Variants in DCC observed in about 807,000 individuals in gnomAD.
DCC encodes the protein netrin receptor DCC.
Under a neutral mutation model 172.5 loss-of-function variants are expected in DCC, and 58 were observed. The observed-to-expected ratio is 0.34, with a 90% CI of 0.27 to 0.42. The LOEUF (loss-of-function observed/expected upper bound fraction) is 0.42. Ranked by LOEUF, DCC falls within the 10% of genes least tolerant of loss-of-function variation. The pLI, the probability that DCC is intolerant of heterozygous loss-of-function variation, is 1.00. For missense variants in DCC, 1,740 were observed against 1,791.0 expected (o/e 0.97, Z 0.51); for synonymous variants, 709 against 644.5 (o/e 1.10, Z -1.52).
intron 1 of DCC, among the ~76,000 whole-genome samples, chr18:52,443,617 C>T (rs1988035404): frequency 6.6e-6 from 1 of 152,092 alleles, no homozygotes; most frequent in Non-Finnish European, 1.5e-5. Flanking sequence ...GAGGAAAAAT[C>T]ATGTCTTGAT....
rs189235969 is a variant in DCC, at chr18:52,345,221, T to C, written c.91+4343T>C. Among the ~76,000 whole-genome samples the C allele has an allele frequency of 1.1e-4, 17 of 152,354 alleles. No individual in the cohort carries two copies. In the East Asian group the frequency reaches 3.1e-3, roughly 28 times the overall value. On this transcript the variant is annotated intron_variant, in intron 1 of 28. Coordinates refer to ENST00000442544, the MANE Select transcript of DCC (RefSeq NM_005215.4). ...CTTTGCCTGAGGCCAAAGAATAATG[T>C]CACAAACCTGCTGAAATTACTTGAT...
intron 1 of DCC, among the ~76,000 whole-genome samples, chr18:52,481,921 C>A (rs1030036757): frequency 6.6e-6 from 1 of 151,894 alleles, no homozygotes; most frequent in Non-Finnish European, 1.5e-5. Context: ...TATTAAATAT[C>A]TTATTAAATT....
chr18:53,065,511 C>T (rs901480881), intron 6 of DCC, among the ~76,000 whole-genome samples: 1 of 152,118 alleles, frequency 6.6e-6, no homozygotes, highest in African/African-American at 2.4e-5. Flanking sequence ...CTCTCCAAAC[C>T]CCAAAAGCTT....
chr18:52,440,859 G>A (rs1987949842), intron 1 of DCC, among the ~76,000 whole-genome samples: 1 of 152,178 alleles, frequency 6.6e-6, no homozygotes, highest in Admixed American at 6.5e-5. Context: ...AGAAAGGAAA[G>A]CAAAAGGAGA....
At chr18:52,640,158 C>T (rs1329678052) in intron 1 of DCC, among the ~76,000 whole-genome samples, 1 of 152,160 alleles carries the variant, frequency 6.6e-6, no homozygotes, top group East Asian at 1.9e-4. Context: ...CAAAATCCAG[C>T]ATTGCCTTAT....
intron 2 of DCC, among the ~76,000 whole-genome samples, chr18:52,782,795 T>C (rs1424800882): frequency 6.6e-6 from 1 of 152,068 alleles, no homozygotes; most frequent in Admixed American, 6.6e-5. Flanking sequence ...AATAATCTGT[T>C]AAGTGAGTTG....
intron 12 of DCC, among the ~76,000 whole-genome samples, chr18:53,234,961 C>T (rs534074254): frequency 1.7e-4 from 26 of 152,196 alleles, no homozygotes; most frequent in African/African-American, 3.9e-4. Flanking sequence ...GTGTCACAAA[C>T]GGACAGTCAT....
At chr18:53,330,235 G>C (rs1258036478) in intron 14 of DCC, among the ~76,000 whole-genome samples, 2 of 152,118 alleles carry the variant, frequency 1.3e-5, no homozygotes, top group African/African-American at 4.8e-5. Flanking sequence ...GTTTTGAGCT[G>C]ATCTTTCAAA....
intron 1 of DCC, among the ~76,000 whole-genome samples, chr18:52,446,123 C>T (rs764100790): frequency 2.0e-5 from 3 of 152,048 alleles, no homozygotes; most frequent in Non-Finnish European, 4.4e-5. Flanking sequence ...TTAGTAGAGA[C>T]GGGGTTTCAC....
intron 23 of DCC, among the ~76,000 whole-genome samples, chr18:53,457,895 A>G (rs2045503102): frequency 6.6e-6 from 1 of 152,176 alleles, no homozygotes; most frequent in African/African-American, 2.4e-5. Context: ...ACGCTTCAAG[A>G]AAGACAAAAA....
At chr18:52,476,625 G>A (rs1162289302) in intron 1 of DCC, among the ~76,000 whole-genome samples, 1 of 152,146 alleles carries the variant, frequency 6.6e-6, no homozygotes, top group African/African-American at 2.4e-5. Flanking sequence ...CTAAGACACT[G>A]CCTTGAATGA....
intron 1 of DCC, among the ~76,000 whole-genome samples, chr18:52,749,101 G>A (rs2036954937): frequency 6.6e-6 from 1 of 152,140 alleles, no homozygotes; most frequent in African/African-American, 2.4e-5. Context: ...TGGGGAAGCT[G>A]AGGCAGGAGA....
intron 1 of DCC, among the ~76,000 whole-genome samples, chr18:52,646,956 G>A (rs553757590): frequency 3.9e-5 from 6 of 152,222 alleles, no homozygotes; most frequent in Non-Finnish European, 7.4e-5. Context: ...AAGACACTTC[G>A]ATAGCATGAA....
chr18:52,792,639 A>T (rs1336165293), intron 2 of DCC, among the ~76,000 whole-genome samples: 1 of 152,168 alleles, frequency 6.6e-6, no homozygotes. Context: ...AGTAGGTGTG[A>T]CATCCGAGTC....
At chr18:52,844,565 A>G (rs113822550) in intron 2 of DCC, among the ~76,000 whole-genome samples, 4,070 of 152,236 alleles carry the variant, frequency 0.027, 162 homozygotes, top group African/African-American at 0.09. Flanking sequence ...ACATTATTTT[A>G]TTCATTTATC....
intron 27 of DCC, among the ~76,000 whole-genome samples, chr18:53,508,202 T>TC (rs951129731): frequency 7.2e-5 from 5 of 69,354 alleles, no homozygotes; most frequent in African/African-American, 1.6e-4. Flanking sequence ...CGAGACCACA[T>TC]TTTTTTTTTA....
chr18:52,769,586 G>T (rs2145163097), intron 2 of DCC, among the ~76,000 whole-genome samples: 1 of 152,186 alleles, frequency 6.6e-6, no homozygotes, highest in East Asian at 1.9e-4. Context: ...ATGCAATTCA[G>T]TCTATCAATT....
chr18:53,466,490 G>C (rs1007069806), intron 24 of DCC, among the ~76,000 whole-genome samples: 4 of 152,056 alleles, frequency 2.6e-5, no homozygotes, highest in African/African-American at 9.7e-5. Context: ...TTTCTGTTTT[G>C]TGATTCTGCT....
intron 19 of DCC, among the ~76,000 whole-genome samples, chr18:53,409,736 A>G (rs1246744319): frequency 6.6e-6 from 1 of 152,182 alleles, no homozygotes; most frequent in Non-Finnish European, 1.5e-5. Flanking sequence ...CAATAATACT[A>G]TATAAACATA....
Sources: gnomAD v4.1 joint callset for allele counts (sites outside exome capture counted in the v4.1 genomes callset) on GRCh38, gnomAD v4.1.1 for gene constraint, MANE v1.5 for transcripts, NCBI Gene and HGNC (gene_info 2026-07-23, HGNC 2026-07-21) for gene names.